PLXNA4: variants seen among roughly 807,000 people sequenced by gnomAD.
PLXNA4 encodes the protein plexin-A4.
Under a neutral mutation model 191.8 loss-of-function variants are expected in PLXNA4, and 44 were observed. The observed-to-expected ratio is 0.23, with a 90% CI of 0.18 to 0.29. The LOEUF is 0.29. Ranked by LOEUF, PLXNA4 falls within the 10% of genes least tolerant of loss-of-function variation. The pLI, the probability that PLXNA4 is intolerant of heterozygous loss-of-function variation, is 1.00. For synonymous variants in PLXNA4, 1,082 were observed against 1,009.5 expected, an observed-to-expected ratio of 1.07 and a Z score of -1.36; for missense variants, 1,800 against 2,488.8, an observed-to-expected ratio of 0.72 and a Z score of 5.89.
intron 1 of PLXNA4, among the ~76,000 whole-genome samples, chr7:132,575,734 C>T (rs1406228015): frequency 6.6e-6 from 1 of 152,208 alleles, no homozygotes; most frequent in Non-Finnish European, 1.5e-5. Context: ...TGCTTTAAGC[C>T]GCTTTCTGCC....
chr7:132,398,731 G>C (rs1793860298), intron 3 of PLXNA4, among the ~76,000 whole-genome samples: 1 of 152,266 alleles, frequency 6.6e-6, no homozygotes, highest in African/African-American at 2.4e-5. Context: ...ATGAGCATCA[G>C]CTGCCGGCAG....
intron 3 of PLXNA4, among the ~76,000 whole-genome samples, chr7:132,410,525 T>A (rs1173836889): frequency 6.6e-6 from 1 of 152,150 alleles, no homozygotes; most frequent in South Asian, 2.1e-4. Flanking sequence ...AGTGAGGAGA[T>A]CTGACAGGAT....
At chr7:132,472,438 T>G (rs1009928902) in intron 3 of PLXNA4, among the ~76,000 whole-genome samples, 1 of 152,162 alleles carries the variant, frequency 6.6e-6, no homozygotes, top group African/African-American at 2.4e-5. Context: ...TGGGCACAAA[T>G]GCAAATCTTT....
intron 1 of PLXNA4, among the ~76,000 whole-genome samples, chr7:132,569,034 C>T (rs1310476833): frequency 6.6e-6 from 1 of 152,248 alleles, no homozygotes; most frequent in African/African-American, 2.4e-5. Flanking sequence ...GAGGCTCTAG[C>T]TTGACCTGGT....
rs549129463 is a variant in PLXNA4, at chr7:132,494,574, C to T, written c.1189-5100G>A. Reference sequence around the variant, plus strand: ...CCCTCACAGCAGCCTCCCCAGGGGCCTGCCACGCAGTGTGGTGGTGGTGGA... The same window carrying T: ...CCCTCACAGCAGCCTCCCCAGGGGCTTGCCACGCAGTGTGGTGGTGGTGGA... On this transcript the variant is annotated intron_variant, in intron 2 of 31. Transcript: ENST00000321063. 1.1e-4 allele frequency among the ~76,000 whole-genome samples: 17 copies of T among 152,260 alleles called. No individual in the cohort carries two copies. In the South Asian group the frequency reaches 3.1e-3, roughly 28 times the overall value.
chr7:132,479,655 T>C (rs1797263753), intron 3 of PLXNA4, among the ~76,000 whole-genome samples: 1 of 152,148 alleles, frequency 6.6e-6, no homozygotes, highest in Admixed American at 6.5e-5. Flanking sequence ...ATTCTTTTAT[T>C]AACCATTTTT....
rs771474361 is a variant in PLXNA4, at chr7:132,140,703, G to A, written c.5334C>T (p.Phe1778=). ...GCTCTGACGTGGAGCAAGAGTCCATGAAGGTCTGAGCCACCACAGAGAGGC... is the reference window on the plus strand; with the variant it reads ...GCTCTGACGTGGAGCAAGAGTCCATAAAGGTCTGAGCCACCACAGAGAGGC... ...DACLSVVAQT[F]MDSCSTSEHR... The change falls in exon 30 of 32, where the codon TTC becomes TTT. Residue 1778 remains phenylalanine, a synonymous_variant. Coordinates refer to ENST00000321063, the MANE Select transcript of PLXNA4 (RefSeq NM_020911.2). 4 of 1,614,136 alleles carry A rather than the reference G, an allele frequency of 2.5e-6. No individual in the cohort carries two copies. The highest frequency in any genetic ancestry group is 2.5e-6 in the Non-Finnish European group (3 of 1,180,028).
intron 3 of PLXNA4, among the ~76,000 whole-genome samples, chr7:132,473,018 C>T (rs758808705): frequency 1.3e-5 from 2 of 152,220 alleles, no homozygotes; most frequent in Non-Finnish European, 2.9e-5. Flanking sequence ...AGGCCCACAT[C>T]AGGATGTTAC....
In PLXNA4 at chr7:132,188,506, G is replaced by T. The variant is rs1395816517; in HGVS notation, c.2857-899C>A. On this transcript the variant is annotated intron_variant, in intron 14 of 31. Transcript: ENST00000321063. The stretch of plus-strand genomic sequence containing the variant: ...AGGCTGACAACCTCCCCTTGGAGAT[G>T]CTTTGATAGGGAAGCCCCAGAGCTT... Among the ~76,000 whole-genome samples, 3 of 152,230 alleles carry T rather than the reference G, an allele frequency of 2.0e-5. No individual in the cohort carries two copies. In the East Asian group the frequency reaches 5.8e-4, roughly 30 times the overall value.
intron 3 of PLXNA4, among the ~76,000 whole-genome samples, chr7:132,478,004 AAAG>A (rs1408139197): frequency 2.0e-5 from 3 of 152,244 alleles, no homozygotes; most frequent in Non-Finnish European, 4.4e-5. Context: ...AAAAAGAGAT[AAAG>A]AAGCCCACAG....
chr7:132,161,765 A>T (rs1234516413), intron 24 of PLXNA4, among the ~76,000 whole-genome samples: 1 of 151,998 alleles, frequency 6.6e-6, no homozygotes, highest in Non-Finnish European at 1.5e-5. Context: ...GCGCTCTGGC[A>T]AGCTCCCAGG....
At chr7:132,264,379 T>C (rs529663910) in intron 4 of PLXNA4, 1 of 152,092 alleles carries the variant, frequency 6.6e-6, no homozygotes, top group Admixed American at 6.5e-5. Context: ...CTGTCTGGAG[T>C]GGGGCTTAGG....
chr7:132,262,426 G>A (rs1799681196), intron 4 of PLXNA4, among the ~76,000 whole-genome samples: 1 of 152,124 alleles, frequency 6.6e-6, no homozygotes, highest in African/African-American at 2.4e-5. Flanking sequence ...GATTTTCAGT[G>A]GACCCCTTGA....
chr7:132,320,201 A>G (rs1398209131), intron 3 of PLXNA4, among the ~76,000 whole-genome samples: 2 of 152,194 alleles, frequency 1.3e-5, no homozygotes, highest in Non-Finnish European at 2.9e-5. Context: ...GTCATAAAAC[A>G]ACAGAAATGT....
At chr7:132,538,426 C>G (rs1027679741) in intron 1 of PLXNA4, among the ~76,000 whole-genome samples, 41 of 152,308 alleles carry the variant, frequency 2.7e-4, no homozygotes, top group African/African-American at 9.4e-4. Flanking sequence ...AGTGTCCCCA[C>G]CGTCAGGAAT....
At chr7:132,422,764 A>T (rs146522875) in intron 3 of PLXNA4, among the ~76,000 whole-genome samples, 3 of 152,338 alleles carry the variant, frequency 2.0e-5, no homozygotes, top group African/African-American at 7.2e-5. Flanking sequence ...GCTCCTGGCC[A>T]TACATAATCT....
chr7:132,412,456 A>C (rs893897914), intron 3 of PLXNA4, among the ~76,000 whole-genome samples: 1 of 152,244 alleles, frequency 6.6e-6, no homozygotes, highest in Non-Finnish European at 1.5e-5. Context: ...ACTTGGGCAA[A>C]GACGAAGGGA....
intron 3 of PLXNA4, among the ~76,000 whole-genome samples, chr7:132,359,358 C>A (rs1233665643): frequency 6.6e-6 from 1 of 151,838 alleles, no homozygotes; most frequent in Non-Finnish European, 1.5e-5. Flanking sequence ...GGAGCTGGAA[C>A]CACAGGTGCA....
At chr7:132,495,034 CTT>C (rs1480493408) in intron 2 of PLXNA4, among the ~76,000 whole-genome samples, 5 of 152,174 alleles carry the variant, frequency 3.3e-5, no homozygotes, top group African/African-American at 1.2e-4. Flanking sequence ...ATGACACACT[CTT>C]AAGGAACCAA....
Sources: gnomAD v4.1 joint callset for allele counts (sites outside exome capture counted in the v4.1 genomes callset) on GRCh38, gnomAD v4.1.1 for gene constraint, MANE v1.5 for transcripts, NCBI Gene and HGNC (gene_info 2026-07-23, HGNC 2026-07-21) for gene names.